NBEA: variants seen among roughly 807,000 people sequenced by gnomAD.
NBEA encodes lysosomal-trafficking regulator 2.
Under a neutral mutation model 343.4 loss-of-function variants are expected in NBEA, and 44 were observed. The ratio of observed to expected loss-of-function variants is 0.13; its 90% CI spans 0.10 to 0.16. NBEA has a LOEUF of 0.16. Among genes scored for constraint, NBEA ranks in the 10% least tolerant of loss-of-function variants. The pLI, the probability that NBEA is intolerant of heterozygous loss-of-function variation, is 1.00. For synonymous variants in NBEA, 1,175 were observed against 1,238.7 expected (o/e 0.95, Z 1.08); for missense variants, 2,555 against 3,631.3 (o/e 0.70, Z 7.62).
rs114391106 is a variant in NBEA, at chr13:35,353,748, G to A, written c.6179+1425G>A. Among the ~76,000 whole-genome samples, 866 of 152,094 alleles carry A rather than the reference G, an allele frequency of 5.7e-3. 10 individuals are homozygous for A. The highest frequency in any genetic ancestry group is 0.02 in the African/African-American group (821 of 41,494). Reference sequence around the variant, plus strand: ...ACATTGAGGTATTCTCCATTTTACCGGGAAGAACCTAAAGCTGAAAGAGGT... The same window carrying A: ...ACATTGAGGTATTCTCCATTTTACCAGGAAGAACCTAAAGCTGAAAGAGGT... On this transcript the variant is annotated intron_variant, in intron 38 of 58. Coordinates refer to ENST00000379939, the MANE Select transcript of NBEA (RefSeq NM_001385012.1).
rs1292308617 is a variant in NBEA, at chr13:35,665,024, G to A, written c.8363-61G>A. 4.5e-6 allele frequency: 5 copies of A among 1,101,358 alleles called. No homozygotes were observed. In the South Asian group the frequency reaches 5.4e-5, roughly 12 times the overall value. The allele number at this position is 1,101,358 out of a possible 1,614,324, so 68.2% of individuals were successfully genotyped here. On this transcript the variant is annotated intron_variant, in intron 55 of 58. Coordinates refer to ENST00000379939, the MANE Select transcript of NBEA (RefSeq NM_001385012.1). ...GGTATTTTTTGAATATTGCATTGCT[G>A]GTGTAGCTCTCTCCCCCTGCTATTG...
intron 1 of NBEA, among the ~76,000 whole-genome samples, chr13:35,024,821 C>A (rs1566177980): frequency 6.6e-6 from 1 of 152,174 alleles, no homozygotes; most frequent in Non-Finnish European, 1.5e-5. Flanking sequence ...CTTTTCTCCA[C>A]AACTTTGCTA....
At chr13:35,429,834 T>TGTGTGTGTGTGTGTAC (rs1555262949) in intron 38 of NBEA, among the ~76,000 whole-genome samples, 9 of 148,546 alleles carry the variant, frequency 6.1e-5, no homozygotes, top group East Asian at 2.0e-4. Flanking sequence ...TGTGTGTGTG[T>TGTGTGTGTGTGTGTAC]ACACACATTT....
chr13:35,366,308 A>G (rs556301706), intron 38 of NBEA, among the ~76,000 whole-genome samples: 39 of 151,606 alleles, frequency 2.6e-4, no homozygotes, highest in Admixed American at 5.3e-4. Context: ...ACATTCTATT[A>G]TACCAACCCC....
intron 30 of NBEA, among the ~76,000 whole-genome samples, chr13:35,193,316 G>A (rs543797925): frequency 6.6e-6 from 1 of 151,654 alleles, no homozygotes. Flanking sequence ...CAAAATTTTG[G>A]CTATTGCCTC....
rs137939013 is a variant in NBEA, at chr13:35,114,966, T to C, written c.2003-2448T>C. On this transcript the variant is annotated intron_variant, in intron 13 of 58. Transcript: ENST00000379939. Reference sequence around the variant, plus strand: ...ACTAGCTTTCGTAGAACTATTCATGTGTAGGCACTCGCCTTGAGAAGTAGG... The same window carrying C: ...ACTAGCTTTCGTAGAACTATTCATGCGTAGGCACTCGCCTTGAGAAGTAGG... 4.6e-3 allele frequency among the ~76,000 whole-genome samples: 707 copies of C among 152,272 alleles called. 6 individuals carry two copies. The highest frequency in any genetic ancestry group is 0.016 in the African/African-American group (683 of 41,558).
rs1255646020 is a variant in NBEA, at chr13:35,308,564, A to ATG, written c.5839-962_5839-961dup. Among the ~76,000 whole-genome samples the ATG allele has an allele frequency of 2.6e-3, 279 of 108,002 alleles. 3 individuals are homozygous for ATG. Among genetic ancestry groups the ATG allele is most frequent in the Middle Eastern group, 6.2e-3 (1 of 162 alleles). The allele number at this position is 108,002 out of a possible 152,430, so 70.9% of individuals were successfully genotyped here. ...TGTATATATATGTATATATGTATAT[A>ATG]TGTATATATATGTATATATGTATAT... On this transcript the variant is annotated intron_variant, in intron 35 of 58. Transcript: ENST00000379939.
intron 38 of NBEA, among the ~76,000 whole-genome samples, chr13:35,425,038 TTTC>T (rs2044563825): frequency 6.6e-6 from 1 of 152,192 alleles, no homozygotes; most frequent in South Asian, 2.1e-4. Context: ...TCTTCTCTAT[TTTC>T]TTCTTTATTA....
In NBEA at chr13:35,012,767, T is replaced by C. The variant is rs151201134; in HGVS notation, c.295-28166T>C. Among the ~76,000 whole-genome samples the C allele has an allele frequency of 5.9e-3, 902 of 152,348 alleles. 4 individuals are homozygous for C. Among genetic ancestry groups the C allele is most frequent in the Non-Finnish European group, 8.9e-3 (604 of 68,034 alleles). On this transcript the variant is annotated intron_variant, in intron 1 of 58. Transcript: ENST00000379939. Reference sequence around the variant, plus strand: ...TGAATTGTTCTTTTTTACCTGGCTGTATATCATCTTTAATTAGTGCCTTCC... The same window carrying C: ...TGAATTGTTCTTTTTTACCTGGCTGCATATCATCTTTAATTAGTGCCTTCC...
intron 54 of NBEA, 23 bp downstream of exon 54, chr13:35,655,033 A>G: frequency 6.9e-7 from 1 of 1,458,886 alleles, no homozygotes; most frequent in Non-Finnish European, 9.0e-7. Context: ...ATGAAACACC[A>G]TATTCTCTTC....
intron 23 of NBEA, 28 bp from the exon 24 acceptor site, chr13:35,164,328 A>T (rs372153643): frequency 9.3e-5 from 144 of 1,547,342 alleles, no homozygotes; most frequent in Non-Finnish European, 1.1e-4. Context: ...AAGCCAAAAC[A>T]TACTCATTTC....
intron 10 of NBEA, among the ~76,000 whole-genome samples, chr13:35,075,504 CAATA>C (rs1030694259): frequency 4.3e-4 from 65 of 151,824 alleles, no homozygotes; most frequent in African/African-American, 1.4e-3. Context: ...TTTAAAATTA[CAATA>C]AATACAGTTT....
intron 11 of NBEA, among the ~76,000 whole-genome samples, chr13:35,102,014 T>G (rs1307200320): frequency 6.6e-6 from 1 of 151,512 alleles, no homozygotes; most frequent in African/African-American, 2.4e-5. Flanking sequence ...AAATTTTGTT[T>G]TATCTTTCAT....
chr13:35,139,026 A>G (rs1405241742), intron 17 of NBEA, among the ~76,000 whole-genome samples: 1 of 142,962 alleles, frequency 7.0e-6, no homozygotes, highest in African/African-American at 2.6e-5. Context: ...TACTGTTTTC[A>G]TATATACTCT....
chr13:35,645,001 G>T (rs1239318427), intron 49 of NBEA, among the ~76,000 whole-genome samples: 1 of 152,208 alleles, frequency 6.6e-6, no homozygotes, highest in Non-Finnish European at 1.5e-5. Context: ...CTAAAATATG[G>T]CAGATAATGA....
chr13:35,208,943 C>T, intron 32 of NBEA, 89 bp downstream of exon 32: 1 of 961,810 alleles, frequency 1.0e-6, no homozygotes, highest in Non-Finnish European at 1.5e-6. Context: ...ATTAAAATAC[C>T]CTAATCATTT....
chr13:34,985,498 C>T (rs1227158682), intron 1 of NBEA, among the ~76,000 whole-genome samples: 1 of 150,866 alleles, frequency 6.6e-6, no homozygotes, highest in Non-Finnish European at 1.5e-5. Context: ...GTCTAAAATT[C>T]TCTTTTTTGT....
intron 38 of NBEA, among the ~76,000 whole-genome samples, chr13:35,430,699 T>C (rs1004948734): frequency 6.6e-6 from 1 of 152,192 alleles, no homozygotes; most frequent in African/African-American, 2.4e-5. Context: ...ATTAGCTCTC[T>C]GACCACTTTT....
intron 47 of NBEA, among the ~76,000 whole-genome samples, chr13:35,593,893 G>T (rs73498990): frequency 0.032 from 4,865 of 152,082 alleles, 288 homozygotes; most frequent in African/African-American, 0.11. Flanking sequence ...AGGCTTTTCC[G>T]TATAGCCTTA....
Sources: allele counts gnomAD v4.1 joint callset (sites outside exome capture counted in the v4.1 genomes callset), GRCh38; gene constraint gnomAD v4.1.1; transcripts MANE v1.5; gene names NCBI Gene and HGNC (gene_info 2026-07-23, HGNC 2026-07-21).